Variants in EPRS1 observed in about 807,000 individuals in gnomAD.
The protein encoded by EPRS1 is glutamyl-prolyl-tRNA synthetase 1.
Under a neutral mutation model 188.3 loss-of-function variants are expected in EPRS1, and 107 were observed. That is an observed-to-expected ratio of 0.57 (90% CI 0.49 to 0.67). EPRS1 has a LOEUF of 0.67. EPRS1 is among the 30% of genes least tolerant of loss of function. The probability of loss-of-function intolerance (pLI) is 0.00; values close to 1 mark genes in which losing one functional copy is unlikely to be tolerated. For synonymous variants in EPRS1, 596 were observed against 593.1 expected (o/e 1.00, Z -0.07); for missense variants, 1,577 against 1,802.2 (o/e 0.88, Z 2.26).
chr1:220,020,697 T>TA (rs56386723), intron 9 of EPRS1, among the ~76,000 whole-genome samples: 24 of 144,060 alleles, frequency 1.7e-4, no homozygotes, highest in African/African-American at 3.8e-4. Context: ...ATTCACTGTG[T>TA]AAAAAAAAAA....
At chr1:220,017,312 G>A (rs1558056541) in intron 12 of EPRS1, among the ~76,000 whole-genome samples, 1 of 152,172 alleles carries the variant, frequency 6.6e-6, no homozygotes, top group Non-Finnish European at 1.5e-5. Context: ...AGAGGAATGT[G>A]TTGTTCATCT....
chr1:220,045,141 A>G (rs1662376393), intron 1 of EPRS1, among the ~76,000 whole-genome samples: 1 of 152,242 alleles, frequency 6.6e-6, no homozygotes, highest in South Asian at 2.1e-4. Context: ...AACTGTATAT[A>G]AAGGTATGGG....
At chr1:220,018,213 C>T (rs148617581) in intron 12 of EPRS1, 31,390 of 1,254,896 alleles carry the variant, frequency 0.025, 517 homozygotes, top group Non-Finnish European at 0.028. Context: ...ATTACTGTTC[C>T]CCATAATTCC....
chr1:219,980,926 GT>G, intron 24 of EPRS1, 69 bp from the exon 25 acceptor site: 1 of 969,128 alleles, frequency 1.0e-6, no homozygotes, highest in Non-Finnish European at 1.6e-6. Context: ...TGGAGACAGG[GT>G]CTTGCTCTGT....
intron 6 of EPRS1, among the ~76,000 whole-genome samples, chr1:220,027,695 G>T (rs911995713): frequency 3.3e-5 from 5 of 151,330 alleles, no homozygotes; most frequent in Non-Finnish European, 7.4e-5. Flanking sequence ...ATAATAAAGG[G>T]CTGTACGCCG....
rs1010575783 is a variant in EPRS1, at chr1:220,018,463, C to T, written c.1480G>A (p.Ala494Thr). 1 of 1,611,688 alleles carries T rather than the reference C, an allele frequency of 6.2e-7. No homozygotes were observed. The highest frequency in any genetic ancestry group is 8.5e-7 in the Non-Finnish European group (1 of 1,178,770). ...AACATACATACCTTTTTGTTAAACGCCCAGATTTTGTCCCACTCCATGTTC... is the reference window on the plus strand; with the variant it reads ...AACATACATACCTTTTTGTTAAACGTCCAGATTTTGTCCCACTCCATGTTC... ...VVNMEWDKIW[A>T]FNKKVIDPVA... The change falls in exon 12 of 32, where the codon GCG becomes ACG. Residue 494 changes from alanine to threonine, a missense_variant. Coordinates refer to ENST00000366923, the MANE Select transcript of EPRS1 (RefSeq NM_004446.3).
chr1:219,983,427 C>A, intron 21 of EPRS1, 29 bp from the exon 22 acceptor site: 1 of 1,545,588 alleles, frequency 6.5e-7, no homozygotes. Context: ...GTCTTTAAAG[C>A]TTACATTGAA....
At position 219,996,944 on chromosome 1, in the gene EPRS1, C is replaced by CTT. The variant is rs111515329; in HGVS notation, c.2541+38_2541+39insAA. On this transcript the variant is annotated intron_variant, in intron 18 of 31. Coordinates refer to ENST00000366923, the MANE Select transcript of EPRS1 (RefSeq NM_004446.3). Reference sequence around the variant, plus strand: ...CTACTCTAAGCAGTTTGAATTCACACACTGAAAATGTGGTCTTGACTTTCT... The same window carrying CTT: ...CTACTCTAAGCAGTTTGAATTCACACTTACTGAAAATGTGGTCTTGACTTTCT... 1,492 of 1,525,780 alleles carry CTT rather than the reference C, an allele frequency of 9.8e-4. 14 individuals are homozygous for CTT. In the African/African-American group the frequency reaches 0.019, roughly 19 times the overall value. 94.5% of individuals were successfully genotyped at this position (1,525,780 alleles called of 1,614,324 possible). A position where few individuals can be genotyped will look rare whatever the true frequency, so the allele number is the denominator to read the frequency against.
chr1:220,046,440 T>C lies in EPRS1; in HGVS notation c.-52A>G, dbSNP rs1192191725. 6.2e-7 allele frequency: 1 copy of C among 1,610,086 alleles called. No individual in the cohort carries two copies. The stretch of plus-strand genomic sequence containing the variant: ...CAGTACGCCTGGCTCGTGCCAGAAC[T>C]ACGGAGGACCCCGCGAAAGGAAGAA... On this transcript the variant is annotated 5_prime_UTR_variant, in exon 1 of 32. Transcript: ENST00000366923.
rs76831282 is a variant in EPRS1, at chr1:220,040,925, T to TA, written c.47-657dup. ...TGTTGACCTTGGATTTTTAAAAAACTAAAAAAAAAAAAAGAAAAAAGCTAT... is the reference window on the plus strand; with the variant it reads ...TGTTGACCTTGGATTTTTAAAAAACTAAAAAAAAAAAAAAGAAAAAAGCTAT... On this transcript the variant is annotated intron_variant, in intron 1 of 31. Coordinates refer to ENST00000366923, the MANE Select transcript of EPRS1 (RefSeq NM_004446.3). Among the ~76,000 whole-genome samples, 690 of 130,538 alleles carry TA rather than the reference T, an allele frequency of 5.3e-3. 4 individuals are homozygous for TA. Among genetic ancestry groups the TA allele is most frequent in the African/African-American group, 0.015 (526 of 35,486 alleles). The allele number at this position is 130,538 out of a possible 152,430, so 85.6% of individuals were successfully genotyped here. A position where few individuals can be genotyped will look rare whatever the true frequency, so the allele number is the denominator to read the frequency against.
At chr1:219,990,257 C>A (rs1023003839) in intron 18 of EPRS1, among the ~76,000 whole-genome samples, 2 of 152,020 alleles carry the variant, frequency 1.3e-5, no homozygotes, top group Non-Finnish European at 2.9e-5. Flanking sequence ...ATTTCCCCTC[C>A]CATTAGGAAA....
intron 2 of EPRS1, 131 bp downstream of exon 2, chr1:220,040,054 C>T: frequency 1.7e-6 from 1 of 600,920 alleles, no homozygotes; most frequent in Non-Finnish European, 3.0e-6. Context: ...GATCCTGAGT[C>T]CACGAGTTCT....
chr1:220,012,005 GT>G (rs11322745), intron 12 of EPRS1, among the ~76,000 whole-genome samples: 121,887 of 152,050 alleles, frequency 0.8, 49,016 homozygotes, highest in East Asian at 0.93. Flanking sequence ...TATTGGGTTG[GT>G]TTTTTTTGTC....
chr1:220,011,610 G>T (rs2102583863), intron 12 of EPRS1, among the ~76,000 whole-genome samples: 1 of 152,248 alleles, frequency 6.6e-6, no homozygotes, highest in East Asian at 1.9e-4. Context: ...ATATGTAGAG[G>T]CCAGTATATA....
At chr1:220,032,827 G>C (rs890455130) in intron 4 of EPRS1, among the ~76,000 whole-genome samples, 1 of 152,044 alleles carries the variant, frequency 6.6e-6, no homozygotes, top group Non-Finnish European at 1.5e-5. Context: ...ACTTTTGGGG[G>C]TGGTGGATAT....
At chr1:219,984,767 G>C (rs962328580) in intron 20 of EPRS1, among the ~76,000 whole-genome samples, 9 of 151,696 alleles carry the variant, frequency 5.9e-5, no homozygotes, top group African/African-American at 2.2e-4. Flanking sequence ...GAAATGCTGG[G>C]CACAGTGGCT....
At chr1:220,024,559 G>T in intron 7 of EPRS1, 103 bp from the exon 8 acceptor site, 1 of 702,490 alleles carries the variant, frequency 1.4e-6, no homozygotes, top group Non-Finnish European at 2.3e-6. Context: ...TAGACCATCA[G>T]TCTTATTTAG....
intron 1 of EPRS1, among the ~76,000 whole-genome samples, chr1:220,044,681 C>CAAAAAAAAAAAAAAAAA (rs71560597): frequency 2.3e-4 from 20 of 88,336 alleles, no homozygotes; most frequent in African/African-American, 7.5e-4. Flanking sequence ...GCTCGGTCTC[C>CAAAAAAAAAAAAAAAAA]AAAAAAAAAA....
At chr1:219,986,202 G>C (rs1445635024) in intron 20 of EPRS1, among the ~76,000 whole-genome samples, 2 of 152,148 alleles carry the variant, frequency 1.3e-5, no homozygotes, top group Non-Finnish European at 2.9e-5. Context: ...AAGCCATTAA[G>C]GGAAACCCAT....
Sources: allele counts gnomAD v4.1 joint callset (sites outside exome capture counted in the v4.1 genomes callset), GRCh38; gene constraint gnomAD v4.1.1; transcripts MANE v1.5; gene names NCBI Gene and HGNC (gene_info 2026-07-23, HGNC 2026-07-21).